Variants in SAMMSON observed in about 807,000 individuals in gnomAD.
The protein encoded by SAMMSON is survival associated mitochondrial melanoma specific oncogenic non-coding RNA.
At chr3:70,277,855 A>T (rs1378712100) in intron 6 of SAMMSON, among the ~76,000 whole-genome samples, 1 of 152,140 alleles carries the variant, frequency 6.6e-6, no homozygotes, top group East Asian at 1.9e-4. Context: ...AAAGGGCAAG[A>T]CAGATCTGAT....
chr3:70,343,577 A>T (rs1702728262), intron 7 of SAMMSON, among the ~76,000 whole-genome samples: 1 of 152,136 alleles, frequency 6.6e-6, no homozygotes, highest in South Asian at 2.1e-4. Flanking sequence ...ACATTATATC[A>T]AGGGTATATA....
intron 4 of SAMMSON, among the ~76,000 whole-genome samples, chr3:70,164,154 G>T (rs1373115037): frequency 6.6e-6 from 1 of 151,944 alleles, no homozygotes; most frequent in Non-Finnish European, 1.5e-5. Flanking sequence ...CATTTGAGGG[G>T]GAAACAAGTA....
downstream of SAMMSON, among the ~76,000 whole-genome samples, chr3:70,390,840 C>T (rs1384616391): frequency 1.3e-5 from 2 of 151,964 alleles, no homozygotes; most frequent in African/African-American, 4.8e-5. Flanking sequence ...TGTAACTTTC[C>T]AAAACATTGG....
chr3:70,044,628 A>G (rs1349008293), intron 3 of SAMMSON, among the ~76,000 whole-genome samples: 2 of 151,974 alleles, frequency 1.3e-5, no homozygotes, highest in African/African-American at 2.4e-5. Flanking sequence ...AATTTACACA[A>G]TGTGCAAGAC....
intron 4 of SAMMSON, among the ~76,000 whole-genome samples, chr3:70,166,685 G>A (rs1306614452): frequency 6.6e-6 from 1 of 151,900 alleles, no homozygotes; most frequent in Admixed American, 6.6e-5. Flanking sequence ...GGCCTATTTG[G>A]TTTTGAATAC....
In SAMMSON at chr3:70,385,174, A is replaced by G. The variant is rs928402440; in HGVS notation, n.914-4400A>G. The stretch of plus-strand genomic sequence containing the variant: ...TTGTAGTTTCAGCATCTGGGTTCCA[A>G]TCCTCCTTTTCTCTCCTTCTGTAAA... On this transcript the variant is annotated intron_variant and non_coding_transcript_variant, in intron 9 of 9. Coordinates refer to ENST00000642114, the Ensembl canonical transcript of SAMMSON. 1.2e-4 allele frequency among the ~76,000 whole-genome samples: 18 copies of G among 152,072 alleles called. No individual in the cohort carries two copies. The East Asian group carries it at 2.9e-3, about 24-fold the overall frequency.
intron 7 of SAMMSON, among the ~76,000 whole-genome samples, chr3:70,316,974 T>A (rs114188189): frequency 3.7e-4 from 56 of 152,222 alleles, no homozygotes; most frequent in African/African-American, 1.2e-3. Context: ...AACATGTGAA[T>A]AACAGTTGCT....
At chr3:70,382,554 A>G (rs967826399) in intron 9 of SAMMSON, among the ~76,000 whole-genome samples, 1 of 152,036 alleles carries the variant, frequency 6.6e-6, no homozygotes, top group Non-Finnish European at 1.5e-5. Flanking sequence ...GTCCCAATGA[A>G]CCAGGAAAAC....
At chr3:70,321,810 AG>A (rs953407761) in intron 7 of SAMMSON, among the ~76,000 whole-genome samples, 3 of 152,034 alleles carry the variant, frequency 2.0e-5, no homozygotes, top group African/African-American at 7.2e-5. Context: ...AACTCTCTAA[AG>A]GGGAAAAAAA....
chr3:70,240,330 C>G (rs1184950346), intron 4 of SAMMSON, among the ~76,000 whole-genome samples: 1 of 151,658 alleles, frequency 6.6e-6, no homozygotes, highest in Non-Finnish European at 1.5e-5. Context: ...GCAGAATAAC[C>G]AATTACTTTT....
intron 3 of SAMMSON, among the ~76,000 whole-genome samples, chr3:70,047,327 C>T (rs2067130693): frequency 6.6e-6 from 1 of 150,744 alleles, no homozygotes; most frequent in Non-Finnish European, 1.5e-5. Context: ...ATTTCTCTCT[C>T]TCTCTCTTTT....
intron 4 of SAMMSON, among the ~76,000 whole-genome samples, chr3:70,113,331 C>G (rs188824867): frequency 3.9e-5 from 6 of 152,268 alleles, no homozygotes; most frequent in African/African-American, 1.4e-4. Flanking sequence ...ATATTTTGAT[C>G]ATGCACATAG....
At chr3:70,107,619 A>G (rs935252172) in intron 4 of SAMMSON, among the ~76,000 whole-genome samples, 4 of 140,634 alleles carry the variant, frequency 2.8e-5, no homozygotes, top group African/African-American at 1.1e-4. Context: ...TTTTTTTTTA[A>G]TTTGAATTAT....
intron 2 of SAMMSON, among the ~76,000 whole-genome samples, chr3:70,406,370 ACAAAATCTGAGAGAATTTGTGCTAAC>A (rs1701178063): frequency 6.6e-6 from 1 of 152,232 alleles, no homozygotes; most frequent in Non-Finnish European, 1.5e-5. Flanking sequence ...TAGGTTTTAG[ACAAAATCTGAGAGAATTTGTGCTAAC>A]AGACCTATAC....
At chr3:70,317,109 A>G (rs1431935054) in intron 7 of SAMMSON, among the ~76,000 whole-genome samples, 1 of 152,032 alleles carries the variant, frequency 6.6e-6, no homozygotes, top group African/African-American at 2.4e-5. Flanking sequence ...ATAACTATAT[A>G]ATTTCATTTA....
intron 4 of SAMMSON, among the ~76,000 whole-genome samples, chr3:70,102,889 T>C (rs1272757552): frequency 6.6e-6 from 1 of 152,184 alleles, no homozygotes; most frequent in Non-Finnish European, 1.5e-5. Flanking sequence ...TTTCCCTCTC[T>C]TATGTACAGT....
intron 4 of SAMMSON, among the ~76,000 whole-genome samples, chr3:70,199,846 A>G (rs896579357): frequency 6.6e-6 from 1 of 152,188 alleles, no homozygotes; most frequent in Non-Finnish European, 1.5e-5. Context: ...CCCATCCAAA[A>G]GTGTATACCA....
intron 4 of SAMMSON, chr3:70,206,628 C>G: frequency 2.5e-6 from 1 of 397,842 alleles, no homozygotes; most frequent in Non-Finnish European, 4.4e-6. Flanking sequence ...TGTTGTTTGG[C>G]ATTCTTCAAG....
At chr3:70,005,480 C>T (rs1374017899) in intron 1 of SAMMSON, among the ~76,000 whole-genome samples, 5 of 151,982 alleles carry the variant, frequency 3.3e-5, no homozygotes, top group African/African-American at 9.7e-5. Context: ...GTATTCTGGC[C>T]CAAGCTTTTT....
Sources: allele counts gnomAD v4.1 joint callset (sites outside exome capture counted in the v4.1 genomes callset), GRCh38; gene constraint gnomAD v4.1.1; transcripts MANE v1.5; gene names NCBI Gene and HGNC (gene_info 2026-07-23, HGNC 2026-07-21).